The following SH3RF3 variants were observed in gnomAD, a reference collection of about 807,000 sequenced individuals.
SH3RF3 encodes the protein E3 ubiquitin-protein ligase SH3RF3.
SH3RF3 carries 29 observed loss-of-function variants against 66.3 expected under a neutral mutation model. That is an observed-to-expected ratio of 0.44 (90% CI 0.33 to 0.60). The LOEUF (loss-of-function observed/expected upper bound fraction) is 0.60, where lower values mean the gene tolerates loss of function less well. Among genes scored for constraint, SH3RF3 ranks in the 20% least tolerant of loss-of-function variants. SH3RF3 has a pLI of 0.04. For synonymous variants in SH3RF3, 583 were observed against 532.0 expected (o/e 1.10, Z -1.32); for missense variants, 1,194 against 1,190.9 (o/e 1.00, Z -0.04).
At chr2:109,481,501 C>T (rs559997569) in intron 8 of SH3RF3, among the ~76,000 whole-genome samples, 106 of 152,232 alleles carry the variant, frequency 7.0e-4, no homozygotes, top group African/African-American at 2.4e-3. Flanking sequence ...AGAACCTCCT[C>T]GGCCTGTTAT....
At chr2:109,468,338 G>A (rs1432326854) in intron 8 of SH3RF3, among the ~76,000 whole-genome samples, 2 of 152,172 alleles carry the variant, frequency 1.3e-5, no homozygotes, top group African/African-American at 4.8e-5. Flanking sequence ...AGGGGAATGC[G>A]TTGCACTGTG....
At chr2:109,382,978 C>T (rs1358692358) in intron 3 of SH3RF3, among the ~76,000 whole-genome samples, 2 of 152,344 alleles carry the variant, frequency 1.3e-5, no homozygotes, top group East Asian at 3.9e-4. Context: ...AATCACAACA[C>T]TCAGGACTTG....
At chr2:109,377,205 C>T (rs1683409254) in intron 3 of SH3RF3, among the ~76,000 whole-genome samples, 1 of 152,170 alleles carries the variant, frequency 6.6e-6, no homozygotes, top group African/African-American at 2.4e-5. Context: ...GGTGCACACT[C>T]CTCTCCACTT....
At chr2:109,229,027 A>G (rs550600985) in intron 1 of SH3RF3, among the ~76,000 whole-genome samples, 2 of 152,244 alleles carry the variant, frequency 1.3e-5, no homozygotes, top group South Asian at 4.1e-4. Flanking sequence ...GCACAGAAAA[A>G]AGGTTTCCAT....
At chr2:109,151,209 G>C (rs1189021289) in intron 1 of SH3RF3, among the ~76,000 whole-genome samples, 3 of 152,176 alleles carry the variant, frequency 2.0e-5, no homozygotes, top group Non-Finnish European at 4.4e-5. Context: ...AGTGGCCCAG[G>C]ACACTGAGGT....
chr2:109,240,037 C>T (rs887433631), intron 1 of SH3RF3, among the ~76,000 whole-genome samples: 3 of 152,242 alleles, frequency 2.0e-5, no homozygotes, highest in South Asian at 2.1e-4. Context: ...TAGTGGTGGC[C>T]GGGGCTCTGG....
At chr2:109,199,583 G>GTTCC (rs1678602807) in intron 1 of SH3RF3, among the ~76,000 whole-genome samples, 1 of 226 alleles carries the variant, frequency 4.4e-3, no homozygotes, top group Non-Finnish European at 8.8e-3. Context: ...GGAATGGAAT[G>GTTCC]GAATGGAATG....
chr2:109,195,828 G>T (rs771726630), intron 1 of SH3RF3, among the ~76,000 whole-genome samples: 11 of 152,154 alleles, frequency 7.2e-5, no homozygotes, highest in Non-Finnish European at 1.0e-4. Context: ...CTGCTGATTT[G>T]TGTCGCCTGA....
At chr2:109,221,388 G>A (rs1679236693) in intron 1 of SH3RF3, among the ~76,000 whole-genome samples, 1 of 152,146 alleles carries the variant, frequency 6.6e-6, no homozygotes, top group African/African-American at 2.4e-5. Context: ...TTTGAGACCA[G>A]CCTGGCCAAT....
chr2:109,474,869 C>A (rs750131950), intron 8 of SH3RF3, among the ~76,000 whole-genome samples: 4 of 152,260 alleles, frequency 2.6e-5, no homozygotes, highest in Non-Finnish European at 4.4e-5. Context: ...AGTCCAGCAA[C>A]CCTCCAGAGC....
intron 1 of SH3RF3, among the ~76,000 whole-genome samples, chr2:109,231,305 T>C (rs1679509486): frequency 6.6e-6 from 1 of 152,234 alleles, no homozygotes; most frequent in African/African-American, 2.4e-5. Context: ...AGAGGTGAGC[T>C]AATGCGATGA....
At chr2:109,404,443 C>G (rs895237576) in intron 4 of SH3RF3, among the ~76,000 whole-genome samples, 1 of 152,202 alleles carries the variant, frequency 6.6e-6, no homozygotes, top group South Asian at 2.1e-4. Flanking sequence ...GACTGGGAGT[C>G]TCAGCAGCCA....
At chr2:109,359,815 A>G (rs1683018927) in intron 2 of SH3RF3, among the ~76,000 whole-genome samples, 2 of 152,120 alleles carry the variant, frequency 1.3e-5, no homozygotes, top group Non-Finnish European at 2.9e-5. Context: ...CAGCTGTGAT[A>G]TTTATTTTCC....
At chr2:109,431,335 G>A (rs1344654872) in intron 5 of SH3RF3, among the ~76,000 whole-genome samples, 2 of 152,230 alleles carry the variant, frequency 1.3e-5, no homozygotes, top group Non-Finnish European at 1.5e-5. Context: ...GCCTCCACCA[G>A]CTTCCGTGGC....
chr2:109,264,995 T>G (rs1483441740), intron 1 of SH3RF3, among the ~76,000 whole-genome samples: 1 of 152,232 alleles, frequency 6.6e-6, no homozygotes, highest in Non-Finnish European at 1.5e-5. Context: ...AGCCGCATGC[T>G]CTGTCTTAGA....
intron 1 of SH3RF3, among the ~76,000 whole-genome samples, chr2:109,146,400 G>A (rs986162419): frequency 2.6e-5 from 4 of 152,148 alleles, no homozygotes; most frequent in Non-Finnish European, 5.9e-5. Flanking sequence ...TGTATCACTG[G>A]CCCATTTCTG....
rs200829215 is a variant in SH3RF3 at position 109,474,973 on chromosome 2, G to T, written c.2149-15632G>T. Among the ~76,000 whole-genome samples, 420 of 145,696 alleles carry T rather than the reference G, an allele frequency of 2.9e-3. 1 individual carries two copies. Among genetic ancestry groups the T allele is most frequent in the Non-Finnish European group, 4.5e-3 (284 of 63,260 alleles). Reference sequence around the variant, plus strand: ...CTTTTGTTTTGTTTGGGTTTTTTTTGTTTGTTTGTTTGTTTGTTTTTTTGA... The same window carrying T: ...CTTTTGTTTTGTTTGGGTTTTTTTTTTTTGTTTGTTTGTTTGTTTTTTTGA... On this transcript the variant is annotated intron_variant, in intron 8 of 9. Transcript: ENST00000309415.
At chr2:109,437,332 T>C (rs1677433796) in intron 7 of SH3RF3, among the ~76,000 whole-genome samples, 186 bp downstream of exon 7, 1 of 151,640 alleles carries the variant, frequency 6.6e-6, no homozygotes, top group Non-Finnish European at 1.5e-5. Context: ...AAAGAAATTA[T>C]GGGGTGGGCC....
intron 1 of SH3RF3, among the ~76,000 whole-genome samples, chr2:109,180,069 G>C (rs1240021112): frequency 2.0e-5 from 3 of 152,046 alleles, no homozygotes; most frequent in Admixed American, 1.3e-4. Flanking sequence ...TGGGGACCCA[G>C]GCACAGCTGA....
Sources: allele counts gnomAD v4.1 joint callset (sites outside exome capture counted in the v4.1 genomes callset), GRCh38; gene constraint gnomAD v4.1.1; transcripts MANE v1.5; gene names NCBI Gene and HGNC (gene_info 2026-07-23, HGNC 2026-07-21).